Variants in UBE2U observed in about 807,000 individuals in gnomAD.
UBE2U encodes ubiquitin conjugating enzyme E2 U.
UBE2U carries 39 observed loss-of-function variants against 41.2 expected under a neutral mutation model. That is an observed-to-expected ratio of 0.95 (90% CI 0.73 to 1.24). The LOEUF (loss-of-function observed/expected upper bound fraction) is 1.24. UBE2U is among the 50% of genes most tolerant of loss of function. UBE2U has a pLI of 0.00. For missense variants in UBE2U, 336 were observed against 363.1 expected (o/e 0.93, Z 0.61); for synonymous variants, 107 against 117.8 (o/e 0.91, Z 0.60).
chr1:64,207,817 C>G (rs903321376), intron 3 of UBE2U, among the ~76,000 whole-genome samples: 2 of 152,146 alleles, frequency 1.3e-5, no homozygotes, highest in East Asian at 3.9e-4. Context: ...ACTGCAAAAC[C>G]TGTTAAAACT....
chr1:64,239,968 T>C (rs1644807118), intron 7 of UBE2U, among the ~76,000 whole-genome samples: 1 of 152,204 alleles, frequency 6.6e-6, no homozygotes, highest in Non-Finnish European at 1.5e-5. Flanking sequence ...ATGGTTGAAC[T>C]AGTTTACAGT....
intron 1 of UBE2U, 32 bp from the exon 2 acceptor site, chr1:64,205,607 T>G (rs768898690): frequency 1.0e-5 from 16 of 1,569,352 alleles, no homozygotes; most frequent in Non-Finnish European, 1.4e-5. Context: ...TTAATAAGTT[T>G]TTTCTGATTT....
chr1:64,253,292 G>T (rs1456786263), intron 8 of UBE2U, among the ~76,000 whole-genome samples: 1 of 152,076 alleles, frequency 6.6e-6, no homozygotes, highest in Non-Finnish European at 1.5e-5. Flanking sequence ...CAACTGATTG[G>T]GGTAACTGAA....
intron 7 of UBE2U, among the ~76,000 whole-genome samples, chr1:64,236,050 A>G (rs1407550542): frequency 2.6e-5 from 4 of 152,160 alleles, no homozygotes; most frequent in Admixed American, 1.3e-4. Context: ...CAGATTTACC[A>G]GAGTTTCATC....
intron 2 of UBE2U, among the ~76,000 whole-genome samples, chr1:64,206,072 T>C (rs1204484567): frequency 6.6e-6 from 1 of 152,170 alleles, no homozygotes; most frequent in East Asian, 1.9e-4. Flanking sequence ...TCCTATTGGC[T>C]TCAAAACCCC....
chr1:64,240,742 C>G (rs919968483), intron 7 of UBE2U, among the ~76,000 whole-genome samples: 2 of 152,052 alleles, frequency 1.3e-5, no homozygotes, highest in Middle Eastern at 3.2e-3. Flanking sequence ...TTGCTCAAAA[C>G]AAAATTTCTC....
intron 8 of UBE2U, among the ~76,000 whole-genome samples, chr1:64,256,880 G>A (rs573297556): frequency 6.7e-6 from 1 of 149,830 alleles, no homozygotes; most frequent in African/African-American, 2.4e-5. Flanking sequence ...TGTCTATCCA[G>A]CATCTACAAG....
intron 7 of UBE2U, among the ~76,000 whole-genome samples, chr1:64,236,043 A>T (rs761560196): frequency 1.4e-4 from 22 of 152,160 alleles, no homozygotes; most frequent in Non-Finnish European, 2.6e-4. Context: ...CTGGAGTCAG[A>T]TTTACCAGAG....
chr1:64,216,722 C>T (rs956782828), intron 5 of UBE2U, among the ~76,000 whole-genome samples: 2 of 152,220 alleles, frequency 1.3e-5, no homozygotes, highest in African/African-American at 4.8e-5. Context: ...AAATGTCGCT[C>T]ATTACCCAAA....
chr1:64,249,666 T>C (rs544257870), intron 8 of UBE2U, among the ~76,000 whole-genome samples: 1 of 151,442 alleles, frequency 6.6e-6, no homozygotes, highest in South Asian at 2.1e-4. Context: ...GAACAGCAAG[T>C]TAGACACTGC....
At chr1:64,253,084 C>A (rs1486146228) in intron 8 of UBE2U, among the ~76,000 whole-genome samples, 1 of 150,652 alleles carries the variant, frequency 6.6e-6, no homozygotes, top group Non-Finnish European at 1.5e-5. Flanking sequence ...CCTGATGGAG[C>A]TGAAAAACAC....
intron 9 of UBE2U, 72 bp from the exon 10 acceptor site, chr1:64,266,951 AG>A: frequency 7.3e-7 from 1 of 1,371,128 alleles, no homozygotes; most frequent in Non-Finnish European, 9.9e-7. Context: ...CTACAAATGC[AG>A]GAACACTTCT....
At chr1:64,266,840 G>A (rs1482849822) in intron 9 of UBE2U, among the ~76,000 whole-genome samples, 184 bp from the exon 10 acceptor site, 1 of 152,166 alleles carries the variant, frequency 6.6e-6, no homozygotes, top group East Asian at 1.9e-4. Context: ...GAGCAAAATG[G>A]AAAGAATGAT....
At chr1:64,240,129 A>C (rs1644810547) in intron 7 of UBE2U, among the ~76,000 whole-genome samples, 1 of 152,206 alleles carries the variant, frequency 6.6e-6, no homozygotes, top group East Asian at 1.9e-4. Flanking sequence ...TGGTGATGTA[A>C]TATGAGTTCC....
rs191943924 is a variant in UBE2U, at chr1:64,252,548, A to T, written c.678-8055A>T. On this transcript the variant is annotated intron_variant, in intron 8 of 9. Coordinates refer to ENST00000371077, the MANE Select transcript of UBE2U (RefSeq NM_001366232.2). ...CTAGGATGGAGCTTCCAGAGAAAGG[A>T]ACAGGCTGCCATCTTTGCTGTTTTG... is the stretch of plus-strand genomic sequence containing the variant. 3.3e-3 allele frequency among the ~76,000 whole-genome samples: 503 copies of T among 152,298 alleles called. 1 individual carries two copies. The highest frequency in any genetic ancestry group is 4.0e-3 in the Admixed American group (61 of 15,292).
chr1:64,214,013 C>T (rs530044700), intron 4 of UBE2U, among the ~76,000 whole-genome samples: 4 of 152,104 alleles, frequency 2.6e-5, no homozygotes, highest in East Asian at 1.9e-4. Context: ...TGATATATGC[C>T]GTCTGTTGTT....
chr1:64,260,767 T>C, intron 9 of UBE2U, 73 bp downstream of exon 9: 3 of 1,214,072 alleles, frequency 2.5e-6, no homozygotes, highest in Non-Finnish European at 3.5e-6. Flanking sequence ...ACTTTAAACT[T>C]TTTTCCATTT....
At chr1:64,247,612 C>T (rs1452500807) in intron 8 of UBE2U, among the ~76,000 whole-genome samples, 1 of 152,128 alleles carries the variant, frequency 6.6e-6, no homozygotes, top group Admixed American at 6.5e-5. Flanking sequence ...AGCCTGTAAT[C>T]CCAGCACTTT....
chr1:64,219,550 T>C (rs762191885), intron 5 of UBE2U, among the ~76,000 whole-genome samples: 3 of 152,014 alleles, frequency 2.0e-5, no homozygotes, highest in Non-Finnish European at 2.9e-5. Context: ...AGATCTGCTC[T>C]GATTTGAATG....
Sources: gnomAD v4.1 joint callset for allele counts (sites outside exome capture counted in the v4.1 genomes callset) on GRCh38, gnomAD v4.1.1 for gene constraint, MANE v1.5 for transcripts, NCBI Gene and HGNC (gene_info 2026-07-23, HGNC 2026-07-21) for gene names.